The following EDA variants were observed in gnomAD, a reference collection of about 807,000 sequenced individuals.
EDA encodes ectodysplasin-A.
Under a neutral mutation model 23.6 loss-of-function variants are expected in EDA, and 2 were observed. The ratio of observed to expected loss-of-function variants is 0.08; its 90% CI spans 0.03 to 0.27. The LOEUF (loss-of-function observed/expected upper bound fraction) is 0.27, where lower values mean the gene tolerates loss of function less well. Among genes scored for constraint, EDA ranks in the 10% least tolerant of loss-of-function variants. The pLI, the probability that EDA is intolerant of heterozygous loss-of-function variation, is 1.00. For synonymous variants in EDA, 131 were observed against 132.0 expected, an observed-to-expected ratio of 0.99 and a Z score of 0.05; for missense variants, 229 against 324.2, an observed-to-expected ratio of 0.71 and a Z score of 2.26.
chrX:69,801,931 A>G (rs1457116613), intron 1 of EDA, among the ~76,000 whole-genome samples: 1 of 111,542 alleles, frequency 9.0e-6, no homozygotes, highest in Non-Finnish European at 1.9e-5. Flanking sequence ...CACTTTGGAG[A>G]ACAATATGGC....
chrX:69,975,947 C>T (rs1271272139), intron 2 of EDA, among the ~76,000 whole-genome samples: 1 of 111,864 alleles, frequency 8.9e-6, no homozygotes, highest in African/African-American at 3.2e-5. Context: ...TTCTATCAGA[C>T]ATAGAAACGT....
chrX:70,018,347 C>G (rs1405531014), intron 2 of EDA, among the ~76,000 whole-genome samples: 1 of 112,085 alleles, frequency 8.9e-6, no homozygotes, highest in Non-Finnish European at 1.9e-5. Context: ...CTAGAAAAAA[C>G]TATTTTAAAA....
intron 2 of EDA, among the ~76,000 whole-genome samples, chrX:69,974,364 A>G (rs2019288569): frequency 9.0e-6 from 1 of 111,125 alleles, no homozygotes; most frequent in Non-Finnish European, 1.9e-5. Context: ...TGAAATATGT[A>G]GAAGAATGAA....
At position 69,651,672 on chromosome X, in the gene EDA, T is replaced by C. The variant is rs747031845; in HGVS notation, c.396+34968T>C. 6.3e-5 allele frequency among the ~76,000 whole-genome samples: 7 copies of C among 111,558 alleles called. No homozygotes were observed. The South Asian group carries it at 2.7e-3, about 42-fold the overall frequency. ...GAGCAGTTTCAGTGGCATGGTAGGA[T>C]GGAACAGTTTAAGATAGGAGATACT... On this transcript the variant is annotated intron_variant, in intron 1 of 7. Transcript: ENST00000374552.
intron 2 of EDA, among the ~76,000 whole-genome samples, chrX:70,017,987 AAAC>A: frequency 8.9e-6 from 1 of 112,241 alleles, no homozygotes; most frequent in Non-Finnish European, 1.9e-5. Flanking sequence ...TTGATCTGAT[AAAC>A]AACTCCAGCA....
At chrX:69,795,001 A>G (rs1463606328) in intron 1 of EDA, among the ~76,000 whole-genome samples, 4 of 111,738 alleles carry the variant, frequency 3.6e-5, no homozygotes, top group Non-Finnish European at 7.5e-5. Flanking sequence ...CATGATGTAC[A>G]ATGACATATT....
At chrX:69,860,970 G>A (rs146618736) in intron 1 of EDA, 827 of 512,665 alleles carry the variant, frequency 1.6e-3, no homozygotes, top group South Asian at 2.7e-3. Flanking sequence ...TTCACCTGGC[G>A]TCATCTAGTC....
intron 1 of EDA, among the ~76,000 whole-genome samples, chrX:69,839,611 A>G (rs929362401): frequency 8.9e-6 from 1 of 112,246 alleles, no homozygotes; most frequent in Non-Finnish European, 1.9e-5. Flanking sequence ...ATGACCATCC[A>G]TGTATGATCC....
At chrX:69,878,513 A>G (rs2017683908) in intron 1 of EDA, among the ~76,000 whole-genome samples, 1 of 112,360 alleles carries the variant, frequency 8.9e-6, no homozygotes, top group Non-Finnish European at 1.9e-5. Flanking sequence ...TGCCATTTAC[A>G]TGCAGAACAG....
Position 69,869,923 on chromosome X carries a change from A to C in EDA, c.397-87104A>C, listed in dbSNP as rs908045784. ...AGAAGAGCAATTACAGGGCTATTCA[A>C]AGATGCAGGTGCTGCCCTCACAAAT... On this transcript the variant is annotated intron_variant, in intron 1 of 7. Coordinates refer to ENST00000374552, the MANE Select transcript of EDA (RefSeq NM_001399.5). 2.7e-5 allele frequency among the ~76,000 whole-genome samples: 3 copies of C among 112,090 alleles called. No homozygotes were observed. The Admixed American group carries it at 2.8e-4, about 11-fold the overall frequency.
Position 70,027,306 on chromosome X carries a change from G to A in EDA, c.527-551G>A, listed in dbSNP as rs1208478121. ...CACAGACACAGACTGATCTCCTGGA[G>A]GGCCACTTATTTCTATATGCTCAAA... On this transcript the variant is annotated intron_variant, in intron 3 of 7. Coordinates refer to ENST00000374552, the MANE Select transcript of EDA (RefSeq NM_001399.5). 2.7e-5 allele frequency among the ~76,000 whole-genome samples: 3 copies of A among 111,423 alleles called. No individual in the cohort carries two copies. In the East Asian group the frequency reaches 8.5e-4, roughly 32 times the overall value.
intron 1 of EDA, among the ~76,000 whole-genome samples, chrX:69,822,291 T>TA (rs1258490469): frequency 9.0e-6 from 1 of 110,979 alleles, no homozygotes; most frequent in Non-Finnish European, 1.9e-5. Context: ...ACCCTGTCTC[T>TA]AAAAAAATTA....
At position 69,799,889 on chromosome X, in the gene EDA, G is replaced by T. The variant is rs192804634; in HGVS notation, c.397-157138G>T. Among the ~76,000 whole-genome samples the T allele has an allele frequency of 5.6e-3, 529 of 93,931 alleles. 3 individuals are homozygous for T. Among genetic ancestry groups the T allele is most frequent in the Non-Finnish European group, 9.3e-3 (388 of 41,640 alleles). 81.6% of individuals were successfully genotyped at this position (93,931 alleles called of 115,157 possible). A position where few individuals can be genotyped will look rare whatever the true frequency, so the allele number is the denominator to read the frequency against. ...TACTGGGAATTTATCCAAAGGAAAA[G>T]AAACCAATATGTCAGAGATACATGC... On this transcript the variant is annotated intron_variant, in intron 1 of 7. Coordinates refer to ENST00000374552, the MANE Select transcript of EDA (RefSeq NM_001399.5).
intron 1 of EDA, among the ~76,000 whole-genome samples, chrX:69,837,366 C>T (rs2016800697): frequency 8.9e-6 from 1 of 111,843 alleles, no homozygotes; most frequent in Non-Finnish European, 1.9e-5. Flanking sequence ...ATTTTGGATT[C>T]TTTTCTTTTA....
intron 1 of EDA, among the ~76,000 whole-genome samples, chrX:69,819,942 C>T (rs761188520): frequency 9.7e-6 from 1 of 103,138 alleles, no homozygotes; most frequent in African/African-American, 3.6e-5. Context: ...CCAAGATAAT[C>T]CTAAACAAAA....
Position 69,957,851 on chromosome X carries a change from T to C in EDA, c.502+719T>C, listed in dbSNP as rs192889586. Among the ~76,000 whole-genome samples, 11 of 112,171 alleles carry C rather than the reference T, an allele frequency of 9.8e-5. No individual in the cohort carries two copies. In the Admixed American group the frequency reaches 1.0e-3, roughly 11 times the overall value. ...GATGTGTTAATTCCAATGATAATTT[T>C]ATCAATGTTGGTATCCACTACCATG... On this transcript the variant is annotated intron_variant, in intron 2 of 7. Coordinates refer to ENST00000374552, the MANE Select transcript of EDA (RefSeq NM_001399.5).
At chrX:69,854,947 T>C (rs1314261912) in intron 1 of EDA, among the ~76,000 whole-genome samples, 1 of 111,441 alleles carries the variant, frequency 9.0e-6, no homozygotes, top group African/African-American at 3.2e-5. Flanking sequence ...TTCCTTTTTC[T>C]CCACAACCTT....
Position 69,957,055 on chromosome X carries a change from A to G in EDA, c.425A>G (p.Asp142Gly). The change falls in exon 2 of 8, where the codon GAT becomes GGT. Residue 142 changes from aspartate to glycine, a missense_variant. By Grantham distance (94) the Asp-to-Gly change is moderately conservative. Around this residue, in one of 2 missense-constraint regions of EDA, gnomAD observed 175 missense variants for 281.8 expected, o/e 0.62. Transcript: ENST00000374552. The stretch of plus-strand genomic sequence containing the variant: ...GCCCTATTGAATTTCTTCTTCCCTG[A>G]TGAAAAGCCATACTCTGAAGAAGAA... ...QMALLNFFFP[D>G]EKPYSEEESR... The G allele has an allele frequency of 1.7e-6, 2 of 1,211,531 alleles. No individual in the cohort carries two copies. Among genetic ancestry groups the G allele is most frequent in the Non-Finnish European group, 2.2e-6 (2 of 895,263 alleles).
intron 1 of EDA, among the ~76,000 whole-genome samples, chrX:69,804,665 G>A (rs1011552838): frequency 1.8e-5 from 2 of 110,409 alleles, no homozygotes; most frequent in Non-Finnish European, 3.8e-5. Context: ...TATGAAATAG[G>A]ATAGATAATC....
Sources: gnomAD v4.1 joint callset for allele counts (sites outside exome capture counted in the v4.1 genomes callset) on GRCh38, gnomAD v4.1.1 for gene constraint, gnomAD v4.1.1 regional missense constraint, MANE v1.5 for transcripts, NCBI Gene and HGNC (gene_info 2026-07-23, HGNC 2026-07-21) for gene names.